The following DNAH3 variants were observed in gnomAD, a reference collection of about 807,000 sequenced individuals.
The protein encoded by DNAH3 is dynein axonemal heavy chain 3.
A neutral mutation model predicts 432.5 loss-of-function variants in DNAH3; 332 were observed. The observed-to-expected ratio is 0.77, with a 90% confidence interval of 0.70 to 0.84. DNAH3 has a LOEUF of 0.84. Ranked by LOEUF, DNAH3 falls within the 40% of genes least tolerant of loss-of-function variation. The pLI is 0.00. For missense variants in DNAH3, 4,861 were observed against 5,114.0 expected, an observed-to-expected ratio of 0.95 and a Z score of 1.51; for synonymous variants, 1,956 against 1,900.2, an observed-to-expected ratio of 1.03 and a Z score of -0.76.
chr16:21,133,904 A>G (rs1307072764), intron 7 of DNAH3, among the ~76,000 whole-genome samples: 1 of 152,182 alleles, frequency 6.6e-6, no homozygotes, highest in Non-Finnish European at 1.5e-5. Context: ...CATTATCGCA[A>G]ATTTAGAGGT....
Position 20,965,442 on chromosome 16 carries a change from A to G in DNAH3, c.8459-17T>C, listed in dbSNP as rs2085013349. The G allele has an allele frequency of 3.3e-6, 5 of 1,503,518 alleles. No individual in the cohort carries two copies. Among genetic ancestry groups the G allele is most frequent in the Non-Finnish European group, 4.4e-6 (5 of 1,124,900 alleles). 93.1% of individuals were successfully genotyped at this position (1,503,518 alleles called of 1,614,324 possible). ...TCATCTTACCTATTTGGAACAAGAA[A>G]CAGAGATAATGTGTTAAGACATTCT... On this transcript the variant is annotated splice_polypyrimidine_tract_variant and intron_variant, in intron 52 of 61. Coordinates refer to ENST00000261383, the Ensembl canonical transcript of DNAH3.
exon 53 of DNAH3, chr16:20,964,549 A>C (rs150920213): frequency 1.2e-6 from 2 of 1,614,152 alleles, no homozygotes; most frequent in East Asian, 2.2e-5. Context: ...CAGCATCCTC[A>C]TGTAGTTGCT....
At chr16:21,020,391 A>T (rs2088127188) in intron 40 of DNAH3, among the ~76,000 whole-genome samples, 3 of 28,516 alleles carry the variant, frequency 1.1e-4, no homozygotes, top group African/African-American at 1.6e-4. Context: ...ATATATATAT[A>T]TATATATTTT....
intron 18 of DNAH3, among the ~76,000 whole-genome samples, chr16:21,094,130 G>T (rs1290992185): frequency 6.6e-6 from 1 of 152,068 alleles, no homozygotes; most frequent in African/African-American, 2.4e-5. Context: ...ACAAGCCATG[G>T]ACTTGGAGAA....
At chr16:21,136,441 G>T in exon 6 of DNAH3, 1 of 1,614,074 alleles carries the variant, frequency 6.2e-7, no homozygotes, top group African/African-American at 1.3e-5. Flanking sequence ...TTTGAAATCC[G>T]AACCATCACT....
chr16:21,026,700 C>CAAAA (rs35667454), intron 38 of DNAH3, among the ~76,000 whole-genome samples: 52 of 47,394 alleles, frequency 1.1e-3, no homozygotes, highest in South Asian at 1.7e-3. Context: ...TACTCCGTCT[C>CAAAA]AAAAAAAAAA....
chr16:21,067,103 C>T (rs1321594063), intron 24 of DNAH3, among the ~76,000 whole-genome samples, 180 bp downstream of exon 24: 1 of 152,194 alleles, frequency 6.6e-6, no homozygotes, highest in African/African-American at 2.4e-5. Context: ...GTCCATTCAA[C>T]CTCACGCTAA....
intron 31 of DNAH3, among the ~76,000 whole-genome samples, chr16:21,042,854 A>T (rs1245259394): frequency 6.6e-6 from 1 of 152,074 alleles, no homozygotes; most frequent in Admixed American, 6.6e-5. Context: ...CCAGAGTGTG[A>T]TATTCCCCTT....
chr16:21,021,321 G>A lies in DNAH3; in HGVS notation c.5776+650C>T, dbSNP rs79995175. ...TTTTTTGGAAATTAATCTCTTATCA[G>A]AGAGGAGGTAAGACAGGGGTCCTGC... On this transcript the variant is annotated intron_variant, in intron 40 of 61. Coordinates refer to ENST00000261383, the Ensembl canonical transcript of DNAH3. 6.1e-4 allele frequency among the ~76,000 whole-genome samples: 93 copies of A among 152,276 alleles called. 1 individual carries two copies. In the East Asian group the frequency reaches 0.015, roughly 25 times the overall value.
chr16:21,033,789 A>C (rs1205540877), intron 36 of DNAH3, among the ~76,000 whole-genome samples, 185 bp downstream of exon 36: 2 of 152,144 alleles, frequency 1.3e-5, no homozygotes, highest in Admixed American at 6.6e-5. Flanking sequence ...CCTTGTTATT[A>C]TAGAAGCACC....
At chr16:21,019,342 T>C (rs2088029522) in intron 41 of DNAH3, 1 of 390,356 alleles carries the variant, frequency 2.6e-6, no homozygotes, top group South Asian at 2.6e-5. Context: ...GTATTTTTAA[T>C]AGAGACGGGG....
At chr16:21,141,999 G>T (rs2092725096) in intron 3 of DNAH3, among the ~76,000 whole-genome samples, 1 of 152,094 alleles carries the variant, frequency 6.6e-6, no homozygotes, top group African/African-American at 2.4e-5. Flanking sequence ...GTTGCAGTGA[G>T]CCGAGATCGT....
chr16:20,989,565 G>GCCCAGCTGGCTTCA (rs1201021274), intron 44 of DNAH3, among the ~76,000 whole-genome samples: 2 of 152,270 alleles, frequency 1.3e-5, no homozygotes, highest in African/African-American at 4.8e-5. Context: ...AGACTCAGGA[G>GCCCAGCTGGCTTCA]CCCAGCTGGC....
At chr16:21,103,359 G>GGGC (rs1206185885) in intron 16 of DNAH3, among the ~76,000 whole-genome samples, 1 of 149,524 alleles carries the variant, frequency 6.7e-6, no homozygotes, top group Admixed American at 6.6e-5. Context: ...GTGTGTGGGG[G>GGGC]GGGGCAGGGT....
At position 21,058,083 on chromosome 16, in the gene DNAH3, T is replaced by TA; in HGVS notation, c.3924+2dup. On this transcript the variant is annotated splice_region_variant and intron_variant, in intron 27 of 61. Coordinates refer to ENST00000261383, the Ensembl canonical transcript of DNAH3. ...TCTGTAACTTTGCAGCAAGTTCACT[T>TA]ACCAGTAAGGTATTTTCCGCCAGGG... The TA allele has an allele frequency of 6.5e-7, 1 of 1,547,786 alleles. No homozygotes were observed. Among genetic ancestry groups the TA allele is most frequent in the Non-Finnish European group, 8.9e-7 (1 of 1,119,626 alleles).
chr16:21,049,520 G>A (rs1241515469), intron 31 of DNAH3, 49 bp downstream of exon 31: 2 of 1,501,556 alleles, frequency 1.3e-6, no homozygotes, highest in South Asian at 1.1e-5. Flanking sequence ...CAAGAAAAAA[G>A]CCCCTCCATG....
At chr16:21,048,185 G>C (rs1456083777) in intron 31 of DNAH3, among the ~76,000 whole-genome samples, 3 of 152,356 alleles carry the variant, frequency 2.0e-5, no homozygotes, top group South Asian at 4.1e-4. Flanking sequence ...AGGCCTCCTT[G>C]AGCTGTGGTG....
intron 23 of DNAH3, among the ~76,000 whole-genome samples, chr16:21,068,504 G>A (rs937143318): frequency 1.6e-4 from 24 of 152,052 alleles, no homozygotes; most frequent in Non-Finnish European, 2.6e-4. Flanking sequence ...TAGTAGAGAC[G>A]GGGTTTCACC....
intron 11 of DNAH3, among the ~76,000 whole-genome samples, chr16:21,119,106 G>A (rs1458255701): frequency 6.6e-6 from 1 of 152,160 alleles, no homozygotes; most frequent in Non-Finnish European, 1.5e-5. Flanking sequence ...ACAGACAGCT[G>A]CCAAAGGCAA....
Sources: allele counts gnomAD v4.1 joint callset (sites outside exome capture counted in the v4.1 genomes callset), GRCh38; gene constraint gnomAD v4.1.1; transcripts MANE v1.5; gene names NCBI Gene and HGNC (gene_info 2026-07-23, HGNC 2026-07-21).